The following TNPO3 variants were observed in gnomAD, a reference collection of about 807,000 sequenced individuals.
The protein encoded by TNPO3 is transportin 3.
A neutral mutation model predicts 122.8 loss-of-function variants in TNPO3; 65 were observed. That is an observed-to-expected ratio of 0.53 (90% confidence interval 0.43 to 0.65). TNPO3 has a LOEUF of 0.65. Among genes scored for constraint, TNPO3 ranks in the 30% least tolerant of loss-of-function variants. The pLI is 0.00. For missense variants in TNPO3, 850 were observed against 1,136.7 expected (o/e 0.75, Z 3.63); for synonymous variants, 372 against 411.2 (o/e 0.90, Z 1.15).
chr7:129,040,723 A>G (rs913604902), intron 1 of TNPO3, among the ~76,000 whole-genome samples: 5 of 152,092 alleles, frequency 3.3e-5, no homozygotes, highest in African/African-American at 1.2e-4. Context: ...TTCTCAGGAC[A>G]ATGCTATGGG....
chr7:128,957,423 A>G, intron 21 of TNPO3, 108 bp from the exon 22 acceptor site: 1 of 1,119,924 alleles, frequency 8.9e-7, no homozygotes, highest in Non-Finnish European at 1.3e-6. Context: ...CTCTGCTAGG[A>G]GCTCTCTCCA....
At chr7:128,977,684 C>T (rs1273285114) in intron 16 of TNPO3, among the ~76,000 whole-genome samples, 1 of 151,908 alleles carries the variant, frequency 6.6e-6, no homozygotes, top group Non-Finnish European at 1.5e-5. Context: ...GCAACCTCCA[C>T]CCTCCGGGTT....
At chr7:128,992,958 C>T (rs1046949258) in intron 9 of TNPO3, among the ~76,000 whole-genome samples, 1 of 151,742 alleles carries the variant, frequency 6.6e-6, no homozygotes, top group African/African-American at 2.4e-5. Context: ...GAAATCTGAG[C>T]AGAGGTCATC....
At chr7:128,992,437 A>C (rs968298902) in intron 9 of TNPO3, among the ~76,000 whole-genome samples, 1 of 152,172 alleles carries the variant, frequency 6.6e-6, no homozygotes, top group Non-Finnish European at 1.5e-5. Context: ...TAGAGATACA[A>C]TGTAAATCCT....
At position 128,962,200 on chromosome 7, in the gene TNPO3, C is replaced by T. The variant is rs991941763; in HGVS notation, c.2712-4885G>A. ...CTAACAAGGTGAAACCCCGTCTCTA[C>T]TAAAAATACAAAAAATTAGCCGGGC... is the stretch of plus-strand genomic sequence containing the variant. On this transcript the variant is annotated intron_variant, in intron 21 of 22. Transcript: ENST00000265388. 1.5e-4 allele frequency among the ~76,000 whole-genome samples: 23 copies of T among 151,786 alleles called. 1 individual carries two copies. The South Asian group carries it at 4.6e-3, about 30-fold the overall frequency.
At chr7:129,002,731 A>G (rs1233776610) in intron 5 of TNPO3, among the ~76,000 whole-genome samples, 1 of 152,054 alleles carries the variant, frequency 6.6e-6, no homozygotes, top group Non-Finnish European at 1.5e-5. Context: ...ATCCTGGCTA[A>G]CACAGTGAAA....
intron 1 of TNPO3, among the ~76,000 whole-genome samples, chr7:129,032,960 G>A (rs563218840): frequency 7.5e-4 from 114 of 152,204 alleles, no homozygotes; most frequent in Non-Finnish European, 1.2e-3. Context: ...CAAAGCCATA[G>A]TAATCAAAAC....
intron 4 of TNPO3, among the ~76,000 whole-genome samples, chr7:129,013,465 T>C (rs76691280): frequency 6.8e-6 from 1 of 146,694 alleles, no homozygotes; most frequent in African/African-American, 2.5e-5. Context: ...AATTAAAAAA[T>C]GGGCAAAAGA....
intron 1 of TNPO3, among the ~76,000 whole-genome samples, chr7:129,024,194 C>G (rs555115637): frequency 1.3e-5 from 2 of 152,272 alleles, no homozygotes; most frequent in Non-Finnish European, 2.9e-5. Context: ...AAAGCCACTG[C>G]CTGTGAAAAC....
chr7:129,048,446 C>T (rs188243940), intron 1 of TNPO3, among the ~76,000 whole-genome samples: 209 of 152,274 alleles, frequency 1.4e-3, no homozygotes, highest in African/African-American at 4.8e-3. Context: ...AAGAGAATTG[C>T]TTGAACCCAG....
intron 19 of TNPO3, 109 bp from the exon 20 acceptor site, chr7:128,970,424 GTGTGCA>G: frequency 9.7e-7 from 1 of 1,031,214 alleles, no homozygotes; most frequent in Non-Finnish European, 1.4e-6. Flanking sequence ...GTGTGTGTGT[GTGTGCA>G]CGCGTGGCTG....
At chr7:129,039,120 C>T (rs1310635553) in intron 1 of TNPO3, among the ~76,000 whole-genome samples, 4 of 152,096 alleles carry the variant, frequency 2.6e-5, no homozygotes, top group Admixed American at 6.5e-5. Context: ...CACTTCATAC[C>T]CACCAGGATG....
chr7:129,054,634 C>G lies in TNPO3; in HGVS notation c.120+17G>C. 6.2e-7 allele frequency: 1 copy of G among 1,613,022 alleles called. No individual in the cohort carries two copies. Among genetic ancestry groups the G allele is most frequent in the Non-Finnish European group, 8.5e-7 (1 of 1,179,954 alleles). ...CCCCGGCCGTGCGGCACAGAACTGC[C>G]TCTCTGGGCCCCTCACCGAACGCTG... On this transcript the variant is annotated intron_variant, in intron 1 of 22. Coordinates refer to ENST00000265388, the MANE Select transcript of TNPO3 (RefSeq NM_012470.4).
In TNPO3 at chr7:128,975,913, T is replaced by C. The variant is rs1435345531; in HGVS notation, c.2084A>G (p.His695Arg). The C allele has an allele frequency of 6.2e-7, 1 of 1,613,778 alleles. No individual in the cohort carries two copies. The change falls in exon 17 of 23, where the codon CAT becomes CGT. Residue 695 changes from histidine (H) to arginine (R), a missense_variant. By Grantham distance (29) the His-to-Arg change is conservative (BLOSUM62 0). Transcript: ENST00000265388. ...VTQMVNVYHV[H>R]QHSCFLYLGS... ...AAGGTACAGGAAGCAGGAATGCTGA[T>C]GTACGTGGTACACATTCACCATCTG...
At chr7:128,962,683 C>G (rs1234041034) in intron 21 of TNPO3, among the ~76,000 whole-genome samples, 2 of 152,228 alleles carry the variant, frequency 1.3e-5, no homozygotes, top group African/African-American at 4.8e-5. Flanking sequence ...CTGTTCATTT[C>G]CCACCACTAT....
intron 13 of TNPO3, among the ~76,000 whole-genome samples, chr7:128,982,784 T>C (rs761486429): frequency 1.3e-5 from 2 of 152,228 alleles, no homozygotes; most frequent in African/African-American, 2.4e-5. Context: ...ATTTCTTAGA[T>C]ACTCCCATTA....
intron 21 of TNPO3, among the ~76,000 whole-genome samples, chr7:128,958,137 CTTTT>C (rs55683535): frequency 2.1e-5 from 2 of 96,200 alleles, no homozygotes; most frequent in East Asian, 3.0e-4. Flanking sequence ...GAAGCACTTC[CTTTT>C]TTTTTTTTTT....
chr7:128,968,617 A>G (rs1798151371), intron 20 of TNPO3, among the ~76,000 whole-genome samples: 1 of 152,228 alleles, frequency 6.6e-6, no homozygotes, highest in African/African-American at 2.4e-5. Context: ...CCAGAGCAAA[A>G]GTATTATAAA....
chr7:128,969,176 T>C (rs2128990850), intron 20 of TNPO3, among the ~76,000 whole-genome samples: 1 of 152,350 alleles, frequency 6.6e-6, no homozygotes, highest in East Asian at 1.9e-4. Context: ...ATAAGTTTTC[T>C]GTTACTTGGG....
Sources: allele counts gnomAD v4.1 joint callset (sites outside exome capture counted in the v4.1 genomes callset), GRCh38; gene constraint gnomAD v4.1.1; transcripts MANE v1.5; gene names NCBI Gene and HGNC (gene_info 2026-07-23, HGNC 2026-07-21).